Variants in SEC24D observed in about 807,000 individuals in gnomAD.
SEC24D encodes protein transport protein Sec24D.
A neutral mutation model predicts 116.9 loss-of-function variants in SEC24D; 69 were observed. The ratio of observed to expected loss-of-function variants is 0.59; its 90% CI spans 0.49 to 0.72. SEC24D has a LOEUF of 0.72. Among genes scored for constraint, SEC24D ranks in the 30% least tolerant of loss-of-function variants. The pLI, the probability that SEC24D is intolerant of heterozygous loss-of-function variation, is 0.00. For synonymous variants in SEC24D, 405 were observed against 442.8 expected (o/e 0.91, Z 1.07); for missense variants, 1,131 against 1,264.1 (o/e 0.89, Z 1.60).
At position 118,752,073 on chromosome 4, in the gene SEC24D, G is replaced by C. The variant is rs756321620; in HGVS notation, c.1630C>G (p.Pro544Ala). 8 of 1,610,738 alleles carry C rather than the reference G, an allele frequency of 5.0e-6. No individual in the cohort carries two copies. The East Asian group carries it at 1.3e-4, about 27-fold the overall frequency. The stretch of plus-strand genomic sequence containing the variant: ...TCATTAGAGTCTGCAAACATGTCTG[G>C]AATCTGGTCCAACAAACTATAAGAC... ...SVIHNLLDQI[P>A]DMFADSNENE... The change falls in exon 13 of 23, where the codon CCA becomes GCA. Residue 544 changes from proline (P) to alanine (A), a missense_variant. Pro to Ala is a conservative substitution (Grantham distance 27). Transcript: ENST00000280551.
At chr4:118,810,124 GTGTGTGTGTGTGT>G (rs1560737183) in intron 6 of SEC24D, among the ~76,000 whole-genome samples, 2,593 of 131,212 alleles carry the variant, frequency 0.02, 108 homozygotes, top group Admixed American at 0.078. Flanking sequence ...GTGTGTGTGT[GTGTGTGTGTGTGT>G]CAGAGGGTAT....
chr4:118,740,838 C>T (rs1560618578), intron 16 of SEC24D, 30 bp from the exon 17 acceptor site: 2 of 1,612,262 alleles, frequency 1.2e-6, no homozygotes, highest in Admixed American at 3.3e-5. Context: ...GGAAATTTTG[C>T]TTGTCTTTAT....
intron 8 of SEC24D, among the ~76,000 whole-genome samples, chr4:118,774,419 G>T (rs2110479330): frequency 6.6e-6 from 1 of 152,192 alleles, no homozygotes; most frequent in African/African-American, 2.4e-5. Flanking sequence ...AGTTTAAAAT[G>T]TTCTCATTTA....
chr4:118,744,861 C>G, intron 14 of SEC24D, 83 bp downstream of exon 14: 1 of 755,384 alleles, frequency 1.3e-6, no homozygotes, highest in Non-Finnish European at 2.3e-6. Flanking sequence ...AGTTTCTCCC[C>G]TTTTTTCTTA....
intron 11 of SEC24D, among the ~76,000 whole-genome samples, chr4:118,757,458 G>A (rs761637098): frequency 6.6e-6 from 1 of 152,110 alleles, no homozygotes; most frequent in Non-Finnish European, 1.5e-5. Flanking sequence ...CCACACTGTT[G>A]GGATTCTTCT....
intron 1 of SEC24D, among the ~76,000 whole-genome samples, chr4:118,835,097 TAGC>T (rs1472765727): frequency 1.3e-5 from 2 of 152,188 alleles, no homozygotes; most frequent in African/African-American, 4.8e-5. Flanking sequence ...TCCTCCCACT[TAGC>T]AGAGAGAGAC....
At position 118,832,442 on chromosome 4, in the gene SEC24D, T is replaced by C. The variant is rs184837390; in HGVS notation, c.118+1137A>G. Among the ~76,000 whole-genome samples, 280 of 152,136 alleles carry C rather than the reference T, an allele frequency of 1.8e-3. 3 individuals carry two copies. In the Middle Eastern group the frequency reaches 0.037, roughly 20 times the overall value. Reference sequence around the variant, plus strand: ...ATGGAGTGTAAACTATGCTGAGCCATGGAGGGAAGGAGAGGTAAAGGTGGA... The same window carrying C: ...ATGGAGTGTAAACTATGCTGAGCCACGGAGGGAAGGAGAGGTAAAGGTGGA... On this transcript the variant is annotated intron_variant, in intron 2 of 22. Coordinates refer to ENST00000280551, the MANE Select transcript of SEC24D (RefSeq NM_014822.4).
chr4:118,739,366 C>A, intron 17 of SEC24D, 79 bp from the exon 18 acceptor site: 1 of 1,363,054 alleles, frequency 7.3e-7, no homozygotes, highest in Non-Finnish European at 1.0e-6. Flanking sequence ...CTTGCATTTA[C>A]AAAACACTGT....
intron 8 of SEC24D, among the ~76,000 whole-genome samples, chr4:118,795,816 G>A (rs1729155789): frequency 6.6e-6 from 1 of 152,146 alleles, no homozygotes; most frequent in Non-Finnish European, 1.5e-5. Context: ...TTCTGGGGTG[G>A]CAATTATGTT....
At chr4:118,742,169 T>TA (rs1726252510) in intron 15 of SEC24D, among the ~76,000 whole-genome samples, 1 of 151,614 alleles carries the variant, frequency 6.6e-6, no homozygotes, top group Non-Finnish European at 1.5e-5. Flanking sequence ...CTCAAAAACT[T>TA]AAATAGAAAA....
intron 19 of SEC24D, among the ~76,000 whole-genome samples, chr4:118,737,114 T>G (rs1317860997): frequency 1.3e-5 from 2 of 152,208 alleles, no homozygotes; most frequent in African/African-American, 4.8e-5. Flanking sequence ...AGACAAATAG[T>G]AAAATGAGGT....
In SEC24D at chr4:118,731,502, C is replaced by A; in HGVS notation, c.2682G>T (p.Thr894=). The part of the protein sequence containing the change: ...FFYPQLLPIH[T]LDVKSTMLPA... ...GTAACATTGTACTCTTGACATCTAA[C>A]GTGTGCTGGGCAGGCACAGACAAAA... Residue 894 remains threonine (T), a synonymous_variant, in exon 21 of 23, where the codon ACG becomes ACT. Transcript: ENST00000280551. 6.2e-7 allele frequency: 1 copy of A among 1,613,946 alleles called. No homozygotes were observed. Among genetic ancestry groups the A allele is most frequent in the Non-Finnish European group, 8.5e-7 (1 of 1,179,846 alleles).
intron 7 of SEC24D, among the ~76,000 whole-genome samples, chr4:118,803,370 C>A (rs1729534520): frequency 6.6e-6 from 1 of 152,208 alleles, no homozygotes; most frequent in African/African-American, 2.4e-5. Context: ...TCTCCCACTA[C>A]CGTACTTCAG....
intron 8 of SEC24D, among the ~76,000 whole-genome samples, chr4:118,777,169 G>C (rs934381022): frequency 2.0e-5 from 3 of 151,852 alleles, no homozygotes; most frequent in Non-Finnish European, 4.4e-5. Context: ...ACAACGTGCA[G>C]GTTTGTTACA....
At chr4:118,798,715 A>T (rs973275270) in intron 7 of SEC24D, among the ~76,000 whole-genome samples, 1 of 152,266 alleles carries the variant, frequency 6.6e-6, no homozygotes. Context: ...GTGAAGGGGT[A>T]CCAAGAAGTG....
At chr4:118,744,211 G>T in intron 14 of SEC24D, 53 bp from the exon 15 acceptor site, 2 of 1,404,880 alleles carry the variant, frequency 1.4e-6, no homozygotes, top group Non-Finnish European at 9.5e-7. Context: ...AAATGTTTTT[G>T]GTTTAAATTT....
intron 13 of SEC24D, 21 bp from the exon 14 acceptor site, chr4:118,745,081 AAAAACCCACAG>A: frequency 7.4e-7 from 1 of 1,350,908 alleles, no homozygotes; most frequent in Non-Finnish European, 1.0e-6. Flanking sequence ...AAAAAAACCC[AAAAACCCACAG>A]AAAATGCCGT....
chr4:118,833,976 C>G (rs1367544419), intron 1 of SEC24D, among the ~76,000 whole-genome samples: 2 of 152,170 alleles, frequency 1.3e-5, no homozygotes, highest in Non-Finnish European at 2.9e-5. Flanking sequence ...AAGCATGAGA[C>G]CTGAATAATA....
intron 8 of SEC24D, among the ~76,000 whole-genome samples, chr4:118,796,883 C>T (rs1019770814): frequency 6.6e-6 from 1 of 152,206 alleles, no homozygotes; most frequent in Non-Finnish European, 1.5e-5. Context: ...TTTAGTGCAG[C>T]AAGAGGAATC....
Sources: allele counts gnomAD v4.1 joint callset (sites outside exome capture counted in the v4.1 genomes callset), GRCh38; gene constraint gnomAD v4.1.1; transcripts MANE v1.5; gene names NCBI Gene and HGNC (gene_info 2026-07-23, HGNC 2026-07-21).